CADPS: variants seen among roughly 807,000 people sequenced by gnomAD.
The protein encoded by CADPS is calcium-dependent secretion activator 1.
Under a neutral mutation model 167.3 loss-of-function variants are expected in CADPS, and 57 were observed. The observed-to-expected ratio is 0.34, with a 90% CI of 0.28 to 0.42. The LOEUF is 0.42. CADPS is among the 20% of genes least tolerant of loss of function. The probability of loss-of-function intolerance (pLI) is 1.00; values close to 1 mark genes in which losing one functional copy is unlikely to be tolerated. For missense variants in CADPS, 1,414 were observed against 1,738.1 expected, an observed-to-expected ratio of 0.81 and a Z score of 3.32; for synonymous variants, 676 against 635.3, an observed-to-expected ratio of 1.06 and a Z score of -0.96.
chr3:62,862,203 C>T (rs1227963054), intron 1 of CADPS, among the ~76,000 whole-genome samples: 3 of 149,698 alleles, frequency 2.0e-5, no homozygotes, highest in African/African-American at 7.4e-5. Context: ...ATATTGATAG[C>T]ATTGAAAACA....
intron 8 of CADPS, among the ~76,000 whole-genome samples, chr3:62,577,757 C>T (rs547174661): frequency 6.6e-6 from 1 of 152,264 alleles, no homozygotes; most frequent in Non-Finnish European, 1.5e-5. Context: ...TTACGTTGAG[C>T]AAAATGAAGT....
chr3:62,592,676 G>A lies in CADPS; in HGVS notation c.1398C>T (p.Ser466=). The part of the protein sequence containing the change: ...PAVKVKLFTE[S]TGVLALEDKE... ...TGTCCTCCAACGCCAGGACGCCTGT[G>A]CTCTCTGTGAACAGCTTCACCTTCA... is the stretch of plus-strand genomic sequence containing the variant. Residue 466 remains serine (S), a synonymous_variant, in exon 7 of 30, where the codon AGC becomes AGT. Transcript: ENST00000383710. The A allele has an allele frequency of 6.2e-7, 1 of 1,614,064 alleles. No homozygotes were observed. The highest frequency in any genetic ancestry group is 2.2e-5 in the East Asian group (1 of 44,886).
chr3:62,796,911 T>A (rs1012742370), intron 1 of CADPS, among the ~76,000 whole-genome samples: 1 of 152,224 alleles, frequency 6.6e-6, no homozygotes, highest in African/African-American at 2.4e-5. Flanking sequence ...CATAATTTAG[T>A]ATTTAGTAAT....
At chr3:62,714,776 A>C (rs2084094090) in intron 3 of CADPS, among the ~76,000 whole-genome samples, 1 of 152,226 alleles carries the variant, frequency 6.6e-6, no homozygotes, top group Non-Finnish European at 1.5e-5. Flanking sequence ...ATCTCCTGCC[A>C]CATATGACAC....
intron 1 of CADPS, among the ~76,000 whole-genome samples, chr3:62,774,772 G>T (rs1372881390): frequency 6.6e-6 from 1 of 152,126 alleles, no homozygotes; most frequent in African/African-American, 2.4e-5. Flanking sequence ...TGCCGTTTTG[G>T]TTGAAGTATA....
intron 1 of CADPS, among the ~76,000 whole-genome samples, chr3:62,795,609 A>G (rs1240997269): frequency 1.3e-5 from 2 of 149,498 alleles, no homozygotes; most frequent in Non-Finnish European, 2.9e-5. Context: ...TCATTCATTC[A>G]TTCACTCAAT....
chr3:62,435,447 T>C (rs745743897), intron 28 of CADPS, among the ~76,000 whole-genome samples: 1 of 152,228 alleles, frequency 6.6e-6, no homozygotes, highest in South Asian at 2.1e-4. Context: ...AAGTACTGAA[T>C]TAAATTACTA....
intron 9 of CADPS, among the ~76,000 whole-genome samples, chr3:62,562,495 T>A (rs1463545405): frequency 6.6e-6 from 1 of 152,196 alleles, no homozygotes; most frequent in African/African-American, 2.4e-5. Context: ...TTTTTGATAA[T>A]TAAAAAAGAA....
intron 3 of CADPS, among the ~76,000 whole-genome samples, chr3:62,720,035 T>C (rs2075444090): frequency 6.6e-6 from 1 of 152,168 alleles, no homozygotes; most frequent in Non-Finnish European, 1.5e-5. Context: ...AGAGTCTCTG[T>C]CAACTGATGA....
chr3:62,669,912 T>C (rs1580088087), intron 3 of CADPS, among the ~76,000 whole-genome samples: 1 of 152,326 alleles, frequency 6.6e-6, no homozygotes, highest in South Asian at 2.1e-4. Flanking sequence ...CTTAAAGTAG[T>C]ATAGCAGATT....
chr3:62,868,570 G>A (rs2082107607), intron 1 of CADPS, among the ~76,000 whole-genome samples: 1 of 152,002 alleles, frequency 6.6e-6, no homozygotes, highest in Non-Finnish European at 1.5e-5. Flanking sequence ...TTTGAAAAGC[G>A]CTTTGTGGAC....
chr3:62,852,612 A>AG (rs1239934372), intron 1 of CADPS, among the ~76,000 whole-genome samples: 2 of 152,092 alleles, frequency 1.3e-5, no homozygotes, highest in Middle Eastern at 3.2e-3. Context: ...AAGAAAAAAA[A>AG]AAAAGCTGGC....
chr3:62,720,338 T>C (rs1564285979), intron 3 of CADPS, among the ~76,000 whole-genome samples: 1 of 127,288 alleles, frequency 7.9e-6, no homozygotes, highest in African/African-American at 3.6e-5. Context: ...TGTTTGTTTG[T>C]TTGTTTTTTT....
intron 13 of CADPS, among the ~76,000 whole-genome samples, chr3:62,531,473 A>G (rs535043125): frequency 6.6e-5 from 10 of 152,280 alleles, no homozygotes; most frequent in African/African-American, 1.9e-4. Context: ...ATCTAGCTCT[A>G]AATGTTGAAG....
chr3:62,703,635 G>A (rs1396278757), intron 3 of CADPS, among the ~76,000 whole-genome samples: 1 of 152,096 alleles, frequency 6.6e-6, no homozygotes, highest in Non-Finnish European at 1.5e-5. Context: ...GAGTTAGAAT[G>A]AATCATGAGC....
intron 6 of CADPS, among the ~76,000 whole-genome samples, chr3:62,621,384 C>A (rs1022760782): frequency 6.6e-6 from 1 of 152,058 alleles, no homozygotes; most frequent in Non-Finnish European, 1.5e-5. Context: ...AGTGGGTTGG[C>A]AGAATCCCAG....
chr3:62,687,164 G>T (rs1372592504), intron 3 of CADPS, among the ~76,000 whole-genome samples: 1 of 152,126 alleles, frequency 6.6e-6, no homozygotes, highest in Non-Finnish European at 1.5e-5. Context: ...TTAGATCAGG[G>T]TTGAGGGGGC....
In CADPS at chr3:62,474,170, T is replaced by TTTTTTTTTTTTTTTTTTA; in HGVS notation, c.3477+2_3477+3insTAAAAAAAAAAAAAAAAA. The TTTTTTTTTTTTTTTTTTA allele has an allele frequency of 7.5e-6, 11 of 1,475,380 alleles. No homozygotes were observed. Among genetic ancestry groups the TTTTTTTTTTTTTTTTTTA allele is most frequent in the African/African-American group, 2.9e-5 (2 of 67,926 alleles). 91.4% of individuals were successfully genotyped at this position (1,475,380 alleles called of 1,614,324 possible). On this transcript the variant is annotated splice_region_variant and intron_variant, in intron 24 of 29. Transcript: ENST00000383710. Reference sequence around the variant, plus strand: ...AAATCTGTATTTTTTTTTTTTTTTTTACCTCTTGGCCCATTTCCATGCTGC... The same window carrying TTTTTTTTTTTTTTTTTTA: ...AAATCTGTATTTTTTTTTTTTTTTTTTTTTTTTTTTTTTTTTTAACCTCTTGGCCCATTTCCATGCTGC...
At chr3:62,599,918 C>A (rs1330734106) in intron 6 of CADPS, among the ~76,000 whole-genome samples, 3 of 86,002 alleles carry the variant, frequency 3.5e-5, no homozygotes, top group African/African-American at 4.8e-5. Flanking sequence ...ATATAATATA[C>A]AATATATTAT....
Sources: allele counts gnomAD v4.1 joint callset (sites outside exome capture counted in the v4.1 genomes callset), GRCh38; gene constraint gnomAD v4.1.1; transcripts MANE v1.5; gene names NCBI Gene and HGNC (gene_info 2026-07-23, HGNC 2026-07-21).